Variants in ZNF737 observed in about 807,000 individuals in gnomAD.
ZNF737 encodes zinc finger protein 737.
ZNF737 carries 13 observed loss-of-function variants against 11.7 expected under a neutral mutation model. That is an observed-to-expected ratio of 1.11 (90% CI 0.73 to 1.77). The LOEUF is 1.77. ZNF737 is among the 40% of genes most tolerant of loss of function. The pLI, the probability that ZNF737 is intolerant of heterozygous loss-of-function variation, is 0.00. For missense variants in ZNF737, 636 were observed against 638.0 expected, an observed-to-expected ratio of 1.00 and a Z score of 0.03; for synonymous variants, 217 against 216.2, an observed-to-expected ratio of 1.00 and a Z score of -0.03.
rs1555755379 is a variant in ZNF737 at position 20,542,564 on chromosome 19, C to T, written c.*2028G>A. On this transcript the variant is annotated 3_prime_UTR_variant, in exon 4 of 4. Transcript: ENST00000427401. ...TTTTAAAATGCACTGCATTTTATTA[C>T]ATAAAAGTACAAGTAGTAAAGTAAT... The T allele has an allele frequency of 5.1e-6, 5 of 981,094 alleles. No individual in the cohort carries two copies. The highest frequency in any genetic ancestry group is 1.8e-5 in the African/African-American group (1 of 56,984). The allele number at this position is 981,094 out of a possible 1,614,324, so 60.8% of individuals were successfully genotyped here. A position where few individuals can be genotyped will look rare whatever the true frequency, so the allele number is the denominator to read the frequency against.
chr19:20,565,542 C>G (rs1170046895), intron 1 of ZNF737, 96 bp downstream of exon 1: 11 of 1,592,562 alleles, frequency 6.9e-6, no homozygotes, highest in African/African-American at 1.3e-5. Context: ...GATTGTGGAG[C>G]TGACTGCGCA....
At chr19:20,552,810 G>A (rs1463628156) in intron 2 of ZNF737, among the ~76,000 whole-genome samples, 9 of 151,998 alleles carry the variant, frequency 5.9e-5, no homozygotes, top group Non-Finnish European at 1.2e-4. Context: ...TCATGAGTTA[G>A]AGACCAGCCT....
At chr19:20,564,568 C>T (rs1969223456) in intron 1 of ZNF737, among the ~76,000 whole-genome samples, 1 of 151,672 alleles carries the variant, frequency 6.6e-6, no homozygotes, top group Admixed American at 6.6e-5. Flanking sequence ...CAGAAGAATG[C>T]TTGAACCTGA....
At chr19:20,548,281 A>T (rs782440470) in intron 3 of ZNF737, among the ~76,000 whole-genome samples, 5 of 152,232 alleles carry the variant, frequency 3.3e-5, no homozygotes, top group Non-Finnish European at 5.9e-5. Flanking sequence ...TGATTTATAA[A>T]CATATCAAAA....
At chr19:20,548,709 T>C (rs1237126586) in intron 3 of ZNF737, among the ~76,000 whole-genome samples, 2 of 151,850 alleles carry the variant, frequency 1.3e-5, no homozygotes, top group African/African-American at 4.8e-5. Flanking sequence ...CCCAAGTAGC[T>C]GGGGCCACAG....
rs1325789827 is a variant in ZNF737 at position 20,565,757 on chromosome 19, G to A, written c.-117C>T. 9.9e-6 allele frequency: 15 copies of A among 1,517,902 alleles called. No homozygotes were observed. Among genetic ancestry groups the A allele is most frequent in the African/African-American group, 4.1e-5 (3 of 72,914 alleles). The allele number at this position is 1,517,902 out of a possible 1,614,324, so 94.0% of individuals were successfully genotyped here. ...AGAGGACACACAGCAGTGAAGACAA[G>A]ACCTGGAGCTCCGGCTGCAGAGACA... On this transcript the variant is annotated 5_prime_UTR_variant, in exon 1 of 4. Coordinates refer to ENST00000427401, the MANE Select transcript of ZNF737 (RefSeq NM_001159293.2).
At chr19:20,531,241 G>GGGGATAC (rs1568417844), downstream of ZNF737, among the ~76,000 whole-genome samples, 1 of 81,166 alleles carries the variant, frequency 1.2e-5, no homozygotes, top group Non-Finnish European at 2.3e-5. Context: ...AGAGGGGAGA[G>GGGGATAC]GGGAGACGGG....
At chr19:20,537,121 A>C (rs1028722306), downstream of ZNF737, among the ~76,000 whole-genome samples, 3 of 151,874 alleles carry the variant, frequency 2.0e-5, no homozygotes, top group Non-Finnish European at 2.9e-5. Flanking sequence ...AAAAACAAAA[A>C]CTGATCATGA....
downstream of ZNF737, among the ~76,000 whole-genome samples, chr19:20,535,633 C>G (rs1967941122): frequency 6.6e-6 from 1 of 151,070 alleles, no homozygotes; most frequent in African/African-American, 2.4e-5. Flanking sequence ...TCAAGAGATT[C>G]TCCTGCCTCA....
In ZNF737 at chr19:20,543,537, T is replaced by C; in HGVS notation, c.*1055A>G. The C allele has an allele frequency of 1.0e-6, 1 of 985,348 alleles. No individual in the cohort carries two copies. The highest frequency in any genetic ancestry group is 5.2e-4 in the Middle Eastern group (1 of 1,914). 61.0% of individuals were successfully genotyped at this position (985,348 alleles called of 1,614,324 possible). A position where few individuals can be genotyped will look rare whatever the true frequency, so the allele number is the denominator to read the frequency against. On this transcript the variant is annotated 3_prime_UTR_variant, in exon 4 of 4. Coordinates refer to ENST00000427401, the MANE Select transcript of ZNF737 (RefSeq NM_001159293.2). ...ATAGGTTTTCCATATTCCTTCTATTTGTACAATTTTTCTCAAGGATACTAG... is the reference window on the plus strand; with the variant it reads ...ATAGGTTTTCCATATTCCTTCTATTCGTACAATTTTTCTCAAGGATACTAG...
intron 3 of ZNF737, among the ~76,000 whole-genome samples, 190 bp downstream of exon 3, chr19:20,552,285 A>G (rs1285960404): frequency 3.3e-5 from 5 of 151,882 alleles, no homozygotes; most frequent in African/African-American, 1.2e-4. Flanking sequence ...ACAGAATTTA[A>G]AAGCATAAGC....
intron 2 of ZNF737, 101 bp downstream of exon 2, chr19:20,553,607 GA>G: frequency 8.0e-7 from 1 of 1,242,606 alleles, no homozygotes; most frequent in South Asian, 1.4e-5. Context: ...AAGTGGATCT[GA>G]AACTCTTTTA....
In ZNF737 at chr19:20,542,530, C is replaced by T. The variant is rs546834108; in HGVS notation, c.*2062G>A. The T allele has an allele frequency of 8.1e-6, 8 of 981,596 alleles. No individual in the cohort carries two copies. Among genetic ancestry groups the T allele is most frequent in the Non-Finnish European group, 9.7e-6 (8 of 826,688 alleles). 60.8% of individuals were successfully genotyped at this position (981,596 alleles called of 1,614,324 possible). On this transcript the variant is annotated 3_prime_UTR_variant, in exon 4 of 4. Transcript: ENST00000427401. Reference sequence around the variant, plus strand: ...TACAGGCATGAGCCATCAAGCCCGGCCCTAACAGTTTTAAAATGCACTGCA... The same window carrying T: ...TACAGGCATGAGCCATCAAGCCCGGTCCTAACAGTTTTAAAATGCACTGCA...
At position 20,544,839 on chromosome 19, in the gene ZNF737, C is replaced by A. The variant is rs782176001; in HGVS notation, c.1364G>T (p.Cys455Phe). The A allele has an allele frequency of 5.3e-5, 86 of 1,613,656 alleles. No homozygotes were observed. Among genetic ancestry groups the A allele is most frequent in the Middle Eastern group, 1.6e-4 (1 of 6,082 alleles). Residue 455 changes from cysteine (C) to phenylalanine (F), a missense_variant, in exon 4 of 4, where the codon TGT (cysteine) becomes TTT (phenylalanine). Transcript: ENST00000427401. The part of the protein sequence containing the change: ...RIHTGEKPYK[C>F]EECGKAFNSS... ...GTTGAAGGCTTTGCCACATTCTTCACATTTGTAGGGTTTCTCTCCAGTATG... is the reference window on the plus strand; with the variant it reads ...GTTGAAGGCTTTGCCACATTCTTCAAATTTGTAGGGTTTCTCTCCAGTATG...
At chr19:20,558,612 T>C (rs1370728471) in intron 1 of ZNF737, among the ~76,000 whole-genome samples, 4 of 152,324 alleles carry the variant, frequency 2.6e-5, no homozygotes, top group South Asian at 2.1e-4. Flanking sequence ...GGAGAAACTC[T>C]CATCTGGGTA....
rs199669514 is a variant in ZNF737, at chr19:20,548,981, C to G, written c.227-3005G>C. Among the ~76,000 whole-genome samples, 268 of 92,972 alleles carry G rather than the reference C, an allele frequency of 2.9e-3. 5 individuals are homozygous for G. The highest frequency in any genetic ancestry group is 7.5e-3 in the Middle Eastern group (1 of 134). 61.0% of individuals were successfully genotyped at this position (92,972 alleles called of 152,430 possible). ...AAAACTGAAAAAAAAAAAAAAAAAA[C>G]AATTATGTATCTTTTTGAAATTTAC... is the stretch of plus-strand genomic sequence containing the variant. On this transcript the variant is annotated intron_variant, in intron 3 of 3. Transcript: ENST00000427401.
chr19:20,538,511 A>T lies in ZNF737; in HGVS notation c.*6081T>A, dbSNP rs150053342. On this transcript the variant is annotated 3_prime_UTR_variant, in exon 4 of 4. Transcript: ENST00000427401. ...GGGTGGACACGTCAAGTTATAAATG[A>T]CTCTGTCTCCTCTGTTCAGTGTACT... The T allele has an allele frequency of 2.8e-5, 8 of 286,866 alleles. No homozygotes were observed. The highest frequency in any genetic ancestry group is 1.7e-4 in the East Asian group (1 of 5,774). 17.8% of individuals were successfully genotyped at this position (286,866 alleles called of 1,614,324 possible). A position where few individuals can be genotyped will look rare whatever the true frequency, so the allele number is the denominator to read the frequency against.
At position 20,543,506 on chromosome 19, in the gene ZNF737, GAATT is replaced by G. The variant is rs1265207698; in HGVS notation, c.*1082_*1085del. ...TTTATGTTGAGTTAGATGTGAGTAG[GAATT>G]AATAGGTTTTCCATATTCCTTCTAT... is the stretch of plus-strand genomic sequence containing the variant. On this transcript the variant is annotated 3_prime_UTR_variant, in exon 4 of 4. Coordinates refer to ENST00000427401, the MANE Select transcript of ZNF737 (RefSeq NM_001159293.2). 1.2e-5 allele frequency: 12 copies of G among 984,984 alleles called. No homozygotes were observed. The highest frequency in any genetic ancestry group is 5.1e-4 in the Middle Eastern group (1 of 1,952). The allele number at this position is 984,984 out of a possible 1,614,324, so 61.0% of individuals were successfully genotyped here. A position where few individuals can be genotyped will look rare whatever the true frequency, so the allele number is the denominator to read the frequency against.
chr19:20,535,566 C>A (rs1455030550), downstream of ZNF737, among the ~76,000 whole-genome samples: 1 of 149,752 alleles, frequency 6.7e-6, no homozygotes, highest in Admixed American at 6.6e-5. Flanking sequence ...GCTTTTGTCA[C>A]CCAAGCTGGA....
Sources: allele counts gnomAD v4.1 joint callset (sites outside exome capture counted in the v4.1 genomes callset), GRCh38; gene constraint gnomAD v4.1.1; transcripts MANE v1.5; gene names NCBI Gene and HGNC (gene_info 2026-07-23, HGNC 2026-07-21).